ATP8A2: variants seen among roughly 807,000 people sequenced by gnomAD.
The protein encoded by ATP8A2 is phospholipid-transporting ATPase IB.
Under a neutral mutation model 165.6 loss-of-function variants are expected in ATP8A2, and 100 were observed. That is an observed-to-expected ratio of 0.60 (90% CI 0.51 to 0.71). The LOEUF (loss-of-function observed/expected upper bound fraction) is 0.71. Among genes scored for constraint, ATP8A2 ranks in the 30% least tolerant of loss-of-function variants. The pLI is 0.00. For synonymous variants in ATP8A2, 543 were observed against 548.8 expected (o/e 0.99, Z 0.15); for missense variants, 1,227 against 1,479.5 (o/e 0.83, Z 2.80).
chr13:25,492,560 C>T (rs913827454), intron 2 of ATP8A2, among the ~76,000 whole-genome samples: 1 of 152,186 alleles, frequency 6.6e-6, no homozygotes, highest in Non-Finnish European at 1.5e-5. Context: ...CCAGTCTGGA[C>T]CCTCCTACTG....
At position 25,405,269 on chromosome 13, in the gene ATP8A2, G is replaced by A. The variant is rs143555476; in HGVS notation, c.76+32981G>A. Among the ~76,000 whole-genome samples, 850 of 152,286 alleles carry A rather than the reference G, an allele frequency of 5.6e-3. 8 individuals carry two copies. Among genetic ancestry groups the A allele is most frequent in the African/African-American group, 0.019 (803 of 41,554 alleles). On this transcript the variant is annotated intron_variant, in intron 1 of 36. Coordinates refer to ENST00000381655, the MANE Select transcript of ATP8A2 (RefSeq NM_016529.6). ...ACTTTCCAAAAGCTCAGCTTCAAGG[G>A]GAGGGATGGGAAGAGGCTGCTGAAA...
intron 24 of ATP8A2, among the ~76,000 whole-genome samples, chr13:25,605,681 C>A (rs980096145): frequency 1.3e-5 from 2 of 152,102 alleles, no homozygotes; most frequent in Non-Finnish European, 2.9e-5. Flanking sequence ...TCTCTCGTAG[C>A]TGAGATTGTA....
chr13:25,569,912 A>C (rs1000824997), intron 16 of ATP8A2, among the ~76,000 whole-genome samples: 6 of 152,200 alleles, frequency 3.9e-5, no homozygotes, highest in Non-Finnish European at 8.8e-5. Context: ...TGAGCAAATA[A>C]AATAATTAAT....
chr13:25,418,554 C>T (rs1218267801), intron 1 of ATP8A2, among the ~76,000 whole-genome samples: 3 of 151,968 alleles, frequency 2.0e-5, no homozygotes, highest in Non-Finnish European at 2.9e-5. Flanking sequence ...CAATTGATTC[C>T]AGGCAGAATG....
chr13:25,531,849 A>C lies in ATP8A2; in HGVS notation c.421-423A>C, dbSNP rs898941081. Among the ~76,000 whole-genome samples, 9 of 152,322 alleles carry C rather than the reference A, an allele frequency of 5.9e-5. No individual in the cohort carries two copies. The South Asian group carries it at 1.2e-3, about 21-fold the overall frequency. Reference sequence around the variant, plus strand: ...AGAGACACCTCATTGGGTATATGCAAATACTCCAGGATCTGAAACAATCTG... The same window carrying C: ...AGAGACACCTCATTGGGTATATGCACATACTCCAGGATCTGAAACAATCTG... On this transcript the variant is annotated intron_variant, in intron 4 of 36. Transcript: ENST00000381655.
chr13:25,717,203 T>C (rs746025146), intron 25 of ATP8A2, among the ~76,000 whole-genome samples: 1 of 151,640 alleles, frequency 6.6e-6, no homozygotes, highest in Non-Finnish European at 1.5e-5. Flanking sequence ...ATTACAGAGG[T>C]GAAGAGAAAT....
intron 33 of ATP8A2, among the ~76,000 whole-genome samples, chr13:25,934,117 T>A (rs1319578614): frequency 6.6e-6 from 1 of 152,208 alleles, no homozygotes; most frequent in East Asian, 1.9e-4. Context: ...TGAAAATACT[T>A]AGTGTCAGTT....
chr13:25,387,403 G>A (rs994555588), intron 1 of ATP8A2, among the ~76,000 whole-genome samples: 26 of 152,060 alleles, frequency 1.7e-4, no homozygotes, highest in African/African-American at 6.0e-4. Flanking sequence ...TCACGTCCTA[G>A]GTTATTGTAG....
intron 24 of ATP8A2, among the ~76,000 whole-genome samples, chr13:25,627,554 T>C (rs894326353): frequency 5.3e-5 from 8 of 152,184 alleles, no homozygotes. Flanking sequence ...CTCAACGCCA[T>C]GTGAGAACAC....
chr13:25,775,594 G>A (rs1414764597), intron 27 of ATP8A2, among the ~76,000 whole-genome samples: 16 of 152,130 alleles, frequency 1.1e-4, no homozygotes, highest in Non-Finnish European at 1.5e-5. Context: ...AAACAAACGT[G>A]CCTGCTAGAG....
chr13:25,643,563 G>A (rs1463796748), intron 24 of ATP8A2, among the ~76,000 whole-genome samples: 1 of 152,066 alleles, frequency 6.6e-6, no homozygotes, highest in Non-Finnish European at 1.5e-5. Flanking sequence ...CTTGGCACCA[G>A]TGTTGAAATC....
At chr13:25,634,942 T>C (rs1340401547) in intron 24 of ATP8A2, among the ~76,000 whole-genome samples, 1 of 152,110 alleles carries the variant, frequency 6.6e-6, no homozygotes, top group Non-Finnish European at 1.5e-5. Context: ...AGCAAGCACT[T>C]TTTTTTGGAT....
chr13:25,990,283 G>T (rs867337604), intron 35 of ATP8A2, among the ~76,000 whole-genome samples: 1 of 76,154 alleles, frequency 1.3e-5, no homozygotes, highest in Non-Finnish European at 2.8e-5. Context: ...AAAAAAAAAA[G>T]CAAAATTCCT....
At chr13:25,392,768 A>C (rs986440265) in intron 1 of ATP8A2, among the ~76,000 whole-genome samples, 12 of 152,086 alleles carry the variant, frequency 7.9e-5, no homozygotes, top group Non-Finnish European at 1.5e-4. Context: ...TTTTTGCTTG[A>C]ATAAACTTTT....
At chr13:25,915,014 A>AAACTTCCT (rs751190874) in intron 33 of ATP8A2, among the ~76,000 whole-genome samples, 32 of 152,224 alleles carry the variant, frequency 2.1e-4, no homozygotes, top group Non-Finnish European at 4.0e-4. Flanking sequence ...AATCTTCTCC[A>AAACTTCCT]AACTTCCTAG....
chr13:25,408,091 A>ATC (rs2033859848), intron 1 of ATP8A2, among the ~76,000 whole-genome samples: 1 of 117,490 alleles, frequency 8.5e-6, no homozygotes, highest in Non-Finnish European at 1.8e-5. Context: ...ATATATATAT[A>ATC]TTTGACATTA....
At chr13:25,485,120 A>G (rs1352771594) in intron 2 of ATP8A2, among the ~76,000 whole-genome samples, 1 of 152,250 alleles carries the variant, frequency 6.6e-6, no homozygotes, top group African/African-American at 2.4e-5. Context: ...ATAATTTCAC[A>G]TAATGACGAT....
intron 27 of ATP8A2, among the ~76,000 whole-genome samples, chr13:25,811,130 T>C (rs191667640): frequency 1.3e-5 from 2 of 152,282 alleles, no homozygotes; most frequent in African/African-American, 4.8e-5. Context: ...AGGCAGCTGT[T>C]TCCCTGGAGT....
Position 25,927,890 on chromosome 13 carries a change from T to G in ATP8A2, c.3184-33685T>G, listed in dbSNP as rs184897760. Among the ~76,000 whole-genome samples the G allele has an allele frequency of 3.9e-5, 6 of 152,392 alleles. No individual in the cohort carries two copies. In the East Asian group the frequency reaches 1.2e-3, roughly 29 times the overall value. On this transcript the variant is annotated intron_variant, in intron 33 of 36. Transcript: ENST00000381655. Reference sequence around the variant, plus strand: ...CTTTATGTTGATACCATTTATCTTCTTTTGCTTCAAACATTTTACATTGCC... The same window carrying G: ...CTTTATGTTGATACCATTTATCTTCGTTTGCTTCAAACATTTTACATTGCC...
Sources: gnomAD v4.1 joint callset for allele counts (sites outside exome capture counted in the v4.1 genomes callset) on GRCh38, gnomAD v4.1.1 for gene constraint, MANE v1.5 for transcripts, NCBI Gene and HGNC (gene_info 2026-07-23, HGNC 2026-07-21) for gene names.